Variants in SMARCB1 observed in about 807,000 individuals in gnomAD.
SMARCB1 encodes the protein SWI/SNF related BAF chromatin remodeling complex subunit B1, also known as SWI/SNF-related matrix-associated actin-dependent regulator of chromatin subfamily B member 1.
Under a neutral mutation model 49.0 loss-of-function variants are expected in SMARCB1, and 5 were observed. The observed-to-expected ratio is 0.10, with a 90% CI of 0.05 to 0.21. SMARCB1 has a LOEUF of 0.21. Ranked by LOEUF, SMARCB1 falls within the 10% of genes least tolerant of loss-of-function variation. SMARCB1 has a pLI of 1.00. For synonymous variants in SMARCB1, 201 were observed against 200.1 expected, an observed-to-expected ratio of 1.00 and a Z score of -0.04; for missense variants, 226 against 509.2, an observed-to-expected ratio of 0.44 and a Z score of 5.35.
intron 5 of SMARCB1, among the ~76,000 whole-genome samples, chr22:23,806,228 T>G (rs1368357618): frequency 2.0e-5 from 3 of 152,152 alleles, no homozygotes; most frequent in Non-Finnish European, 4.4e-5. Flanking sequence ...TCCTGGAATC[T>G]GAGATTTCCT....
Position 23,793,563 on chromosome 22 carries a change from C to G in SMARCB1, c.237C>G (p.His79Gln), listed in dbSNP as rs200394488. 1 of 1,613,468 alleles carries G rather than the reference C, an allele frequency of 6.2e-7. No individual in the cohort carries two copies. Among genetic ancestry groups the G allele is most frequent in the African/African-American group, 1.3e-5 (1 of 74,864 alleles). Residue 79 changes from histidine to glutamine, a missense_variant, in exon 3 of 9, where the codon CAC (histidine) becomes CAG (glutamine). His to Gln is a conservative substitution (Grantham distance 24, BLOSUM62 0). Transcript: ENST00000644036. ...GKKTKPNTKD[H>Q]GYTTLATSVT... is the part of the protein sequence containing the mutation. ...AGTGATGTTTGTCTGTTACAGATCA[C>G]GGATACACGACTCTAGCCACCAGTG...
intron 7 of SMARCB1, among the ~76,000 whole-genome samples, chr22:23,832,814 C>T (rs1215253041): frequency 1.3e-5 from 2 of 152,224 alleles, no homozygotes; most frequent in African/African-American, 4.8e-5. Context: ...CACTCCTGTG[C>T]CCACCCCATG....
chr22:23,796,122 CAT>C (rs1928736367), intron 3 of SMARCB1, among the ~76,000 whole-genome samples: 1 of 152,058 alleles, frequency 6.6e-6, no homozygotes, highest in African/African-American at 2.4e-5. Flanking sequence ...AGCATCCTGA[CAT>C]CAAACTTTTT....
At chr22:23,801,292 A>G (rs1224299166) in intron 4 of SMARCB1, 4 of 765,206 alleles carry the variant, frequency 5.2e-6, no homozygotes, top group Non-Finnish European at 6.8e-6. Context: ...TCACCTTGCC[A>G]TGTCCTCCTC....
intron 6 of SMARCB1, among the ~76,000 whole-genome samples, chr22:23,820,257 G>C (rs886167241): frequency 9.2e-5 from 14 of 151,674 alleles, no homozygotes; most frequent in Admixed American, 9.2e-4. Flanking sequence ...GTTTGAGAAG[G>C]ATTGGTGTTA....
intron 7 of SMARCB1, among the ~76,000 whole-genome samples, chr22:23,826,559 A>G (rs911058769): frequency 2.0e-5 from 3 of 152,198 alleles, no homozygotes; most frequent in African/African-American, 7.2e-5. Flanking sequence ...CCCTACATCA[A>G]AACAGGATGT....
At chr22:23,808,062 T>G (rs1929621615) in intron 5 of SMARCB1, among the ~76,000 whole-genome samples, 1 of 151,390 alleles carries the variant, frequency 6.6e-6, no homozygotes, top group African/African-American at 2.4e-5. Flanking sequence ...TTCATGCCAT[T>G]CTCCTGCCTC....
chr22:23,827,861 G>A (rs1418425689), intron 7 of SMARCB1, among the ~76,000 whole-genome samples: 5 of 152,098 alleles, frequency 3.3e-5, no homozygotes, highest in Non-Finnish European at 5.9e-5. Context: ...CACCCCATGG[G>A]ATCTTAGGAG....
Position 23,833,556 on chromosome 22 carries a change from C to T in SMARCB1, c.987-16C>T, listed in dbSNP as rs1181572339. 6 of 1,614,208 alleles carry T rather than the reference C, an allele frequency of 3.7e-6. No homozygotes were observed. The highest frequency in any genetic ancestry group is 5.1e-6 in the Non-Finnish European group (6 of 1,180,034). On this transcript the variant is annotated splice_polypyrimidine_tract_variant and intron_variant, in intron 7 of 8. Coordinates refer to ENST00000644036, the MANE Select transcript of SMARCB1 (RefSeq NM_003073.5). ...GCTGGAAAAGTCATTCCTCTCACTG[C>T]CTCCCCTCCTCGTAGCGAGAACCCT...
intron 5 of SMARCB1, among the ~76,000 whole-genome samples, chr22:23,813,391 A>G (rs966310519): frequency 2.6e-5 from 4 of 152,258 alleles, no homozygotes; most frequent in Non-Finnish European, 5.9e-5. Context: ...CAAGGGATCT[A>G]CAGAAAACTT....
rs950819212 is a variant in SMARCB1, at chr22:23,836,671, G to T, written c.*2491G>T. The T allele has an allele frequency of 1.1e-4, 140 of 1,275,374 alleles. No homozygotes were observed. The highest frequency in any genetic ancestry group is 1.3e-4 in the Non-Finnish European group (135 of 1,016,748). 79.0% of individuals were successfully genotyped at this position (1,275,374 alleles called of 1,614,324 possible). A position where few individuals can be genotyped will look rare whatever the true frequency, so the allele number is the denominator to read the frequency against. On this transcript the variant is annotated 3_prime_UTR_variant, in exon 9 of 9. Transcript: ENST00000644036. ...CTGAGAGGCCACACTGAGTGAGGAC[G>T]GGGCAGGCATAGAAGGATGTGGCCA... is the stretch of plus-strand genomic sequence containing the variant.
chr22:23,813,314 G>A (rs550051476), intron 5 of SMARCB1, among the ~76,000 whole-genome samples: 8 of 152,344 alleles, frequency 5.3e-5, no homozygotes, highest in South Asian at 2.1e-4. Context: ...AATAAAAGAC[G>A]TGTAGATTGG....
chr22:23,790,468 G>C (rs1013074723), intron 1 of SMARCB1, among the ~76,000 whole-genome samples: 4 of 152,194 alleles, frequency 2.6e-5, no homozygotes, highest in African/African-American at 9.7e-5. Flanking sequence ...GGCCCAGGCA[G>C]GAGAATCACT....
chr22:23,791,639 C>T (rs1302804885), intron 1 of SMARCB1, 117 bp from the exon 2 acceptor site: 27 of 967,566 alleles, frequency 2.8e-5, no homozygotes, highest in Admixed American at 1.2e-4. Context: ...GAAAGCGTGG[C>T]GCCTGGGGGC....
At chr22:23,828,113 C>T (rs965021331) in intron 7 of SMARCB1, among the ~76,000 whole-genome samples, 1 of 152,120 alleles carries the variant, frequency 6.6e-6, no homozygotes, top group Admixed American at 6.5e-5. Context: ...AGTGCAGTGG[C>T]GTGATCTCGG....
chr22:23,800,726 C>G (rs748662702), intron 3 of SMARCB1, among the ~76,000 whole-genome samples: 2 of 152,186 alleles, frequency 1.3e-5, no homozygotes, highest in African/African-American at 2.4e-5. Context: ...CGTGCTGTGT[C>G]TGGTGCCCCT....
At chr22:23,829,189 T>A (rs1325893229) in intron 7 of SMARCB1, among the ~76,000 whole-genome samples, 1 of 152,190 alleles carries the variant, frequency 6.6e-6, no homozygotes, top group Middle Eastern at 3.2e-3. Context: ...GTGCCCTGTC[T>A]GGCAGAGGAA....
chr22:23,791,330 T>C (rs1345857918), intron 1 of SMARCB1, among the ~76,000 whole-genome samples: 1 of 152,258 alleles, frequency 6.6e-6, no homozygotes, highest in Non-Finnish European at 1.5e-5. Context: ...GGGGAAATTA[T>C]CTGGCATCTG....
chr22:23,795,981 C>CG (rs1317763734), intron 3 of SMARCB1, among the ~76,000 whole-genome samples: 1 of 151,684 alleles, frequency 6.6e-6, no homozygotes, highest in East Asian at 1.9e-4. Context: ...TTATTAGAGA[C>CG]GGGGTTTCAC....
Sources: gnomAD v4.1 joint callset for allele counts (sites outside exome capture counted in the v4.1 genomes callset) on GRCh38, gnomAD v4.1.1 for gene constraint, MANE v1.5 for transcripts, NCBI Gene and HGNC (gene_info 2026-07-23, HGNC 2026-07-21) for gene names.